Variants in SCAPER observed in about 807,000 individuals in gnomAD.
The protein encoded by SCAPER is S-phase cyclin A associated protein in the ER, also known as S phase cyclin A-associated protein in the endoplasmic reticulum.
SCAPER carries 98 observed loss-of-function variants against 182.2 expected under a neutral mutation model. The ratio of observed to expected loss-of-function variants is 0.54; its 90% CI spans 0.46 to 0.64. SCAPER has a LOEUF of 0.64. SCAPER is among the 30% of genes least tolerant of loss of function. The pLI, the probability that SCAPER is intolerant of heterozygous loss-of-function variation, is 0.00. For missense variants in SCAPER, 1,432 were observed against 1,690.0 expected, an observed-to-expected ratio of 0.85 and a Z score of 2.68; for synonymous variants, 605 against 564.6, an observed-to-expected ratio of 1.07 and a Z score of -1.01.
At chr15:76,784,132 A>C (rs1370680672) in intron 8 of SCAPER, among the ~76,000 whole-genome samples, 2 of 152,172 alleles carry the variant, frequency 1.3e-5, no homozygotes, top group Admixed American at 6.5e-5. Context: ...ATATTTAAAA[A>C]ACCCATCGTC....
chr15:76,643,181 C>T (rs1402300510), intron 21 of SCAPER, among the ~76,000 whole-genome samples: 1 of 152,216 alleles, frequency 6.6e-6, no homozygotes, highest in African/African-American at 2.4e-5. Flanking sequence ...CCCTCCCTCA[C>T]ATCAGGACAT....
intron 26 of SCAPER, among the ~76,000 whole-genome samples, chr15:76,418,377 A>C (rs2045802193): frequency 2.0e-5 from 3 of 152,218 alleles, no homozygotes; most frequent in Admixed American, 2.0e-4. Context: ...AATGCCAGCA[A>C]ATCTTGCTAC....
chr15:76,644,837 T>G (rs1228151491), intron 21 of SCAPER, among the ~76,000 whole-genome samples: 2 of 152,072 alleles, frequency 1.3e-5, no homozygotes, highest in Non-Finnish European at 2.9e-5. Flanking sequence ...CTAATTCCAT[T>G]GCCAAATATA....
chr15:76,854,084 C>G (rs1345435929), intron 4 of SCAPER, among the ~76,000 whole-genome samples: 1 of 152,106 alleles, frequency 6.6e-6, no homozygotes, highest in Non-Finnish European at 1.5e-5. Flanking sequence ...CCCTGGCCAA[C>G]AAGGTGAAAC....
At chr15:76,742,573 T>C (rs947956339) in intron 15 of SCAPER, among the ~76,000 whole-genome samples, 1 of 140,242 alleles carries the variant, frequency 7.1e-6, no homozygotes, top group African/African-American at 2.7e-5. Flanking sequence ...AAACTGAAAA[T>C]GAAAGTCAAT....
intron 25 of SCAPER, among the ~76,000 whole-genome samples, chr15:76,461,093 T>C (rs752099281): frequency 9.2e-5 from 14 of 152,156 alleles, no homozygotes; most frequent in Non-Finnish European, 1.8e-4. Context: ...TAGCTTTGGT[T>C]AGTTATTTTG....
At chr15:76,663,763 A>G (rs920055351) in intron 21 of SCAPER, among the ~76,000 whole-genome samples, 1 of 152,132 alleles carries the variant, frequency 6.6e-6, no homozygotes, top group Non-Finnish European at 1.5e-5. Flanking sequence ...AAAATGTTCT[A>G]TATCTTGATA....
chr15:76,608,306 T>A (rs1331801544), intron 22 of SCAPER, among the ~76,000 whole-genome samples: 3 of 152,218 alleles, frequency 2.0e-5, no homozygotes, highest in South Asian at 4.1e-4. Context: ...TGCCTGGGTA[T>A]CAGCAGCGGT....
At chr15:76,697,992 A>C (rs1373834239) in intron 20 of SCAPER, among the ~76,000 whole-genome samples, 2 of 152,170 alleles carry the variant, frequency 1.3e-5, no homozygotes, top group East Asian at 3.8e-4. Flanking sequence ...AATTATTACA[A>C]GTAATTGAGG....
At chr15:76,505,368 G>A (rs1236612560) in intron 23 of SCAPER, among the ~76,000 whole-genome samples, 1 of 152,022 alleles carries the variant, frequency 6.6e-6, no homozygotes, top group Non-Finnish European at 1.5e-5. Context: ...TTAACAACCA[G>A]AATATATAAG....
intron 21 of SCAPER, among the ~76,000 whole-genome samples, chr15:76,634,057 A>G (rs1597826407): frequency 6.6e-6 from 1 of 152,162 alleles, no homozygotes; most frequent in African/African-American, 2.4e-5. Context: ...GCAGCCGCCC[A>G]CCTGAGCAGC....
intron 5 of SCAPER, among the ~76,000 whole-genome samples, 189 bp from the exon 6 acceptor site, chr15:76,804,822 G>C (rs564358402): frequency 2.0e-5 from 3 of 151,942 alleles, no homozygotes; most frequent in African/African-American, 7.2e-5. Context: ...TAGGTTGAAA[G>C]TCTAAAGACC....
intron 5 of SCAPER, among the ~76,000 whole-genome samples, chr15:76,810,412 G>C (rs572476057): frequency 6.6e-6 from 1 of 151,612 alleles, no homozygotes; most frequent in Admixed American, 6.6e-5. Flanking sequence ...GGAAGTCAAG[G>C]TGTTATCAGC....
chr15:76,671,201 C>G (rs2056990414), intron 20 of SCAPER, among the ~76,000 whole-genome samples: 1 of 152,046 alleles, frequency 6.6e-6, no homozygotes, highest in Non-Finnish European at 1.5e-5. Flanking sequence ...ACATCATGGG[C>G]ATGCACCTGC....
At chr15:76,511,839 A>G (rs1022389680) in intron 23 of SCAPER, among the ~76,000 whole-genome samples, 4 of 42,460 alleles carry the variant, frequency 9.4e-5, no homozygotes, top group South Asian at 1.5e-3. Context: ...TTATATATAT[A>G]TATATGTGTG....
intron 23 of SCAPER, among the ~76,000 whole-genome samples, chr15:76,541,014 A>C (rs1410443162): frequency 6.6e-6 from 1 of 151,880 alleles, no homozygotes; most frequent in Non-Finnish European, 1.5e-5. Flanking sequence ...CCAGCTACTC[A>C]GGAGGCTGAG....
At chr15:76,385,727 C>T (rs2043247697) in intron 27 of SCAPER, among the ~76,000 whole-genome samples, 1 of 152,134 alleles carries the variant, frequency 6.6e-6, no homozygotes, top group Non-Finnish European at 1.5e-5. Flanking sequence ...GATGTTCTGT[C>T]AGGTATTCTG....
chr15:76,791,695 A>C (rs2065017590), intron 8 of SCAPER, among the ~76,000 whole-genome samples: 1 of 151,958 alleles, frequency 6.6e-6, no homozygotes, highest in South Asian at 2.1e-4. Flanking sequence ...ACTCCAAGAA[A>C]CCTAGCAGAA....
intron 23 of SCAPER, among the ~76,000 whole-genome samples, chr15:76,543,516 A>G (rs1329078954): frequency 6.6e-6 from 1 of 152,210 alleles, no homozygotes; most frequent in Non-Finnish European, 1.5e-5. Context: ...CACTGTGGAC[A>G]GAAGCTGCAT....
Sources: gnomAD v4.1 joint callset for allele counts (sites outside exome capture counted in the v4.1 genomes callset) on GRCh38, gnomAD v4.1.1 for gene constraint, MANE v1.5 for transcripts, NCBI Gene and HGNC (gene_info 2026-07-23, HGNC 2026-07-21) for gene names.